Variants in EPB41L1 observed in about 807,000 individuals in gnomAD.
EPB41L1 encodes band 4.1-like protein 1.
EPB41L1 carries 29 observed loss-of-function variants against 97.8 expected under a neutral mutation model. The observed-to-expected ratio is 0.30, with a 90% confidence interval of 0.22 to 0.40. The LOEUF is 0.40. Among genes scored for constraint, EPB41L1 ranks in the 10% least tolerant of loss-of-function variants. The pLI, the probability that EPB41L1 is intolerant of heterozygous loss-of-function variation, is 1.00. For synonymous variants in EPB41L1, 383 were observed against 459.2 expected (o/e 0.83, Z 2.12); for missense variants, 812 against 1,162.3 (o/e 0.70, Z 4.38).
intron 7 of EPB41L1, among the ~76,000 whole-genome samples, chr20:36,186,987 A>G (rs189191813): frequency 5.9e-5 from 9 of 152,350 alleles, no homozygotes; most frequent in Non-Finnish European, 1.0e-4. Context: ...AAGTTACTCA[A>G]TGTCTCTGTG....
Position 36,221,959 on chromosome 20 carries a change from A to G in EPB41L1, c.2520+15A>G. 6.2e-7 allele frequency: 1 copy of G among 1,613,830 alleles called. No homozygotes were observed. The highest frequency in any genetic ancestry group is 8.5e-7 in the Non-Finnish European group (1 of 1,179,718). On this transcript the variant is annotated intron_variant, in intron 20 of 21. Transcript: ENST00000338074. ...ATCAAGACCAGGTATGGGGGTAGCAACCGTTCTTCCCAGTGCCACTGCCCA... is the reference window on the plus strand; with the variant it reads ...ATCAAGACCAGGTATGGGGGTAGCAGCCGTTCTTCCCAGTGCCACTGCCCA...
intron 1 of EPB41L1, among the ~76,000 whole-genome samples, chr20:36,100,808 A>C (rs1431010653): frequency 6.6e-6 from 1 of 152,184 alleles, no homozygotes; most frequent in Non-Finnish European, 1.5e-5. Context: ...ACTCTGAAAG[A>C]AGGGCTTCCA....
chr20:36,198,300 C>T (rs1382105381), intron 14 of EPB41L1, among the ~76,000 whole-genome samples: 2 of 152,142 alleles, frequency 1.3e-5, no homozygotes, highest in African/African-American at 2.4e-5. Flanking sequence ...TCCATCAGCC[C>T]GAGTATAATG....
chr20:36,139,115 C>T (rs952172542), intron 2 of EPB41L1, among the ~76,000 whole-genome samples: 3 of 152,288 alleles, frequency 2.0e-5, no homozygotes, highest in East Asian at 3.9e-4. Context: ...CACAGAAAGC[C>T]GGCCCAAGAG....
intron 7 of EPB41L1, among the ~76,000 whole-genome samples, chr20:36,185,546 G>C (rs1450560809): frequency 6.6e-6 from 1 of 152,232 alleles, no homozygotes; most frequent in African/African-American, 2.4e-5. Context: ...TGGGACCCAA[G>C]TTTCTTAAGC....
intron 2 of EPB41L1, 140 bp from the exon 3 acceptor site, chr20:36,175,411 G>T: frequency 1.1e-6 from 1 of 935,276 alleles, no homozygotes; most frequent in Admixed American, 1.9e-5. Context: ...GACCCTAGTT[G>T]CCCTGTGGGT....
chr20:36,126,361 GA>G (rs1317630412), intron 2 of EPB41L1, among the ~76,000 whole-genome samples: 40 of 148,890 alleles, frequency 2.7e-4, no homozygotes, highest in African/African-American at 1.0e-3. Context: ...CCAGTTAGTG[GA>G]ATTTTTTTTT....
rs1445912051 is a variant in EPB41L1, at chr20:36,175,781, C to T, written c.342+66C>T. 2.5e-6 allele frequency: 4 copies of T among 1,574,576 alleles called. No individual in the cohort carries two copies. The East Asian group carries it at 9.0e-5, about 35-fold the overall frequency. ...GCCAGCCTCAGGTCCAGGGCAGGCT[C>T]CTGTGTGTACCCAGCTTGGGCCAAA... On this transcript the variant is annotated intron_variant, in intron 3 of 21. Transcript: ENST00000338074.
At chr20:36,192,236 A>G (rs1308466227) in intron 11 of EPB41L1, among the ~76,000 whole-genome samples, 1 of 152,054 alleles carries the variant, frequency 6.6e-6, no homozygotes, top group African/African-American at 2.4e-5. Context: ...AAATAAAAAA[A>G]ATAAAAAATA....
At chr20:36,166,746 T>C (rs917212132) in intron 1 of EPB41L1, among the ~76,000 whole-genome samples, 2 of 152,088 alleles carry the variant, frequency 1.3e-5, no homozygotes, top group Non-Finnish European at 2.9e-5. Context: ...GCACCTGTAG[T>C]CCCACCTACT....
rs186065385 is a variant in EPB41L1 at position 36,113,378 on chromosome 20, T to G, written c.-10+898T>G. Among the ~76,000 whole-genome samples, 62 of 152,072 alleles carry G rather than the reference T, an allele frequency of 4.1e-4. 2 individuals carry two copies. In the East Asian group the frequency reaches 7.9e-3, roughly 19 times the overall value. ...TTTTTAATTTTGGTTCAATGTGAAG[T>G]ATCTTTGTACCCCTAGGGAAACTTT... On this transcript the variant is annotated intron_variant, in intron 2 of 19. Transcript: ENST00000202028.
At chr20:36,211,314 G>A (rs1206238430) in intron 15 of EPB41L1, among the ~76,000 whole-genome samples, 1 of 152,156 alleles carries the variant, frequency 6.6e-6, no homozygotes, top group East Asian at 1.9e-4. Context: ...TCAGGAGGCA[G>A]AGGTTGCAGT....
chr20:36,113,135 T>C (rs2058462768), intron 2 of EPB41L1, among the ~76,000 whole-genome samples: 1 of 152,234 alleles, frequency 6.6e-6, no homozygotes, highest in Non-Finnish European at 1.5e-5. Context: ...CTTGGCTTTA[T>C]GGAAGACACT....
At chr20:36,178,183 C>A in intron 4 of EPB41L1, 127 bp downstream of exon 4, 4 of 760,720 alleles carry the variant, frequency 5.3e-6, no homozygotes, top group Non-Finnish European at 6.9e-6. Flanking sequence ...CCCCAAGGCT[C>A]AACCAGCCCT....
At chr20:36,152,668 A>T (rs1430468742), upstream of EPB41L1, 1 of 247,044 alleles carries the variant, frequency 4.0e-6, no homozygotes. Flanking sequence ...CAATAAATGC[A>T]TCTGGTATAA....
chr20:36,218,800 C>A, intron 17 of EPB41L1, 76 bp from the exon 18 acceptor site: 1 of 1,337,750 alleles, frequency 7.5e-7, no homozygotes, highest in Non-Finnish European at 1.1e-6. Context: ...GTGATAGCTA[C>A]ATGGCCACAT....
chr20:36,141,738 AAAC>A lies in EPB41L1; in HGVS notation c.-10+29262_-10+29264del, dbSNP rs535372909. On this transcript the variant is annotated intron_variant, in intron 2 of 19. Coordinates refer to the EPB41L1 transcript ENST00000202028. ...CAAAAGAAATAATTCCACTATCATA[AAAC>A]AACGTCTGGTAACATGTTTTAAAAT... Among the ~76,000 whole-genome samples the A allele has an allele frequency of 3.8e-3, 581 of 152,376 alleles. 5 individuals carry two copies. The highest frequency in any genetic ancestry group is 0.013 in the African/African-American group (561 of 41,588).
intron 1 of EPB41L1, among the ~76,000 whole-genome samples, chr20:36,165,495 T>C (rs2060703142): frequency 6.6e-6 from 1 of 150,994 alleles, no homozygotes; most frequent in Non-Finnish European, 1.5e-5. Flanking sequence ...GGTCAGGAGT[T>C]CAAGACCAGC....
chr20:36,133,787 G>A (rs1817108469), intron 2 of EPB41L1, among the ~76,000 whole-genome samples: 1 of 151,146 alleles, frequency 6.6e-6, no homozygotes, highest in Admixed American at 6.6e-5. Flanking sequence ...AGCCTAGGAG[G>A]TTGAGGCTTG....
Sources: gnomAD v4.1 joint callset for allele counts (sites outside exome capture counted in the v4.1 genomes callset) on GRCh38, gnomAD v4.1.1 for gene constraint, MANE v1.5 for transcripts, NCBI Gene and HGNC (gene_info 2026-07-23, HGNC 2026-07-21) for gene names.